Variants in OSBPL8 observed in about 807,000 individuals in gnomAD.
OSBPL8 encodes the protein oxysterol binding protein like 8.
Under a neutral mutation model 125.5 loss-of-function variants are expected in OSBPL8, and 59 were observed. That is an observed-to-expected ratio of 0.47 (90% CI 0.38 to 0.58). The LOEUF is 0.58. Among genes scored for constraint, OSBPL8 ranks in the 20% least tolerant of loss-of-function variants. The probability of loss-of-function intolerance (pLI) is 0.00; values close to 1 mark genes in which losing one functional copy is unlikely to be tolerated. For synonymous variants in OSBPL8, 330 were observed against 338.9 expected (o/e 0.97, Z 0.29); for missense variants, 758 against 1,047.8 (o/e 0.72, Z 3.82).
chr12:76,515,706 C>T (rs1881468363), intron 1 of OSBPL8, among the ~76,000 whole-genome samples: 1 of 151,994 alleles, frequency 6.6e-6, no homozygotes, highest in Non-Finnish European at 1.5e-5. Context: ...GGGGAGGTTC[C>T]CCTGCCTCTG....
intron 1 of OSBPL8, among the ~76,000 whole-genome samples, chr12:76,523,566 C>T (rs974373919): frequency 6.6e-6 from 1 of 152,124 alleles, no homozygotes; most frequent in Non-Finnish European, 1.5e-5. Flanking sequence ...GGGAGGTAAT[C>T]ATGTCATGAG....
intron 1 of OSBPL8, among the ~76,000 whole-genome samples, chr12:76,515,453 G>C (rs563228453): frequency 1.3e-5 from 2 of 152,310 alleles, no homozygotes; most frequent in African/African-American, 4.8e-5. Context: ...GTTGTGGACT[G>C]CGATCCAGCA....
At chr12:76,485,537 A>G (rs531418992) in intron 2 of OSBPL8, among the ~76,000 whole-genome samples, 1 of 152,308 alleles carries the variant, frequency 6.6e-6, no homozygotes, top group South Asian at 2.1e-4. Context: ...ACGCCACCGC[A>G]CTCCAGAAAT....
intron 1 of OSBPL8, among the ~76,000 whole-genome samples, chr12:76,547,312 T>C (rs1222246716): frequency 1.3e-5 from 2 of 152,162 alleles, no homozygotes; most frequent in Non-Finnish European, 2.9e-5. Context: ...CAGGTTAATT[T>C]ACAATAGTAT....
intron 20 of OSBPL8, 39 bp from the exon 21 acceptor site, chr12:76,369,340 A>G (rs750422072): frequency 1.9e-6 from 3 of 1,565,574 alleles, no homozygotes; most frequent in Non-Finnish European, 2.6e-6. Context: ...TTGCTCAATG[A>G]CTAAACAAAG....
intron 2 of OSBPL8, among the ~76,000 whole-genome samples, chr12:76,474,464 G>A (rs1023656318): frequency 3.3e-5 from 5 of 152,024 alleles, no homozygotes; most frequent in African/African-American, 9.7e-5. Context: ...AATTTTGTGT[G>A]TATATGTATA....
At chr12:76,449,942 TATCTATA>T (rs1445524015) in intron 4 of OSBPL8, among the ~76,000 whole-genome samples, 2 of 152,070 alleles carry the variant, frequency 1.3e-5, no homozygotes, top group Non-Finnish European at 2.9e-5. Flanking sequence ...TATCAAAGAA[TATCTATA>T]ATTATGTATA....
chr12:76,475,997 G>T (rs897306818), intron 2 of OSBPL8, among the ~76,000 whole-genome samples: 1 of 152,162 alleles, frequency 6.6e-6, no homozygotes, highest in Non-Finnish European at 1.5e-5. Flanking sequence ...CGTCCACTGC[G>T]CTTTCTCTCA....
chr12:76,432,406 C>T (rs187100446), intron 4 of OSBPL8, among the ~76,000 whole-genome samples: 169 of 152,056 alleles, frequency 1.1e-3, no homozygotes, highest in African/African-American at 4.0e-3. Context: ...CCAGCGGGAC[C>T]GTGTGTCTAC....
chr12:76,542,676 C>T (rs1950679094), intron 1 of OSBPL8, among the ~76,000 whole-genome samples: 1 of 152,206 alleles, frequency 6.6e-6, no homozygotes, highest in Admixed American at 6.5e-5. Flanking sequence ...CTACCCTCAT[C>T]ACCCTCCAAA....
intron 4 of OSBPL8, among the ~76,000 whole-genome samples, chr12:76,415,869 A>C (rs1868588288): frequency 6.6e-6 from 1 of 152,130 alleles, no homozygotes; most frequent in Non-Finnish European, 1.5e-5. Context: ...TTTTCCAAGA[A>C]TTTTAGGCTT....
intron 21 of OSBPL8, among the ~76,000 whole-genome samples, chr12:76,359,426 T>C (rs1468701156): frequency 1.3e-5 from 2 of 152,220 alleles, no homozygotes; most frequent in African/African-American, 4.8e-5. Flanking sequence ...CAAAAGTATA[T>C]GAAACCATCA....
chr12:76,538,562 G>C (rs1950558863), intron 1 of OSBPL8, among the ~76,000 whole-genome samples: 2 of 152,162 alleles, frequency 1.3e-5, no homozygotes, highest in Admixed American at 6.5e-5. Flanking sequence ...GGCAACATGA[G>C]AGCAAGCCCT....
At chr12:76,539,381 A>G (rs1190901036) in intron 1 of OSBPL8, among the ~76,000 whole-genome samples, 1 of 152,206 alleles carries the variant, frequency 6.6e-6, no homozygotes, top group Admixed American at 6.5e-5. Context: ...AGGTAACAAG[A>G]AAATATTAGA....
At chr12:76,389,898 A>G in intron 11 of OSBPL8, 69 bp from the exon 12 acceptor site, 1 of 1,243,040 alleles carries the variant, frequency 8.0e-7, no homozygotes, top group Non-Finnish European at 1.1e-6. Context: ...CAAGCCAGCT[A>G]ATGTTGAAAA....
intron 1 of OSBPL8, among the ~76,000 whole-genome samples, chr12:76,501,346 T>G (rs1331055590): frequency 6.6e-6 from 1 of 151,242 alleles, no homozygotes; most frequent in African/African-American, 2.4e-5. Context: ...AGAATGGTTT[T>G]TATGTTTTTA....
intron 21 of OSBPL8, among the ~76,000 whole-genome samples, chr12:76,365,261 C>T (rs908317753): frequency 6.6e-6 from 1 of 152,142 alleles, no homozygotes. Flanking sequence ...ACAATATTAA[C>T]CTTTTCTACC....
At chr12:76,527,236 T>C (rs1310473403) in intron 1 of OSBPL8, among the ~76,000 whole-genome samples, 1 of 127,968 alleles carries the variant, frequency 7.8e-6, no homozygotes, top group Non-Finnish European at 1.6e-5. Context: ...TTAAGGAGGG[T>C]GGTGGGCCGG....
At position 76,355,785 on chromosome 12, in the gene OSBPL8, G is replaced by A. The variant is rs1202702713; in HGVS notation, c.*104C>T. On this transcript the variant is annotated 3_prime_UTR_variant, in exon 24 of 24. Coordinates refer to ENST00000261183, the MANE Select transcript of OSBPL8 (RefSeq NM_020841.5). ...CTACATTTATCTCCTAGGTTTTTTT[G>A]TTTTCGGAATATTGTGATTTTTAAT... is the stretch of plus-strand genomic sequence containing the variant. The A allele has an allele frequency of 7.6e-7, 1 of 1,307,236 alleles. No homozygotes were observed. Among genetic ancestry groups the A allele is most frequent in the Non-Finnish European group, 1.0e-6 (1 of 962,688 alleles). The allele number at this position is 1,307,236 out of a possible 1,614,324, so 81.0% of individuals were successfully genotyped here.
Sources: allele counts gnomAD v4.1 joint callset (sites outside exome capture counted in the v4.1 genomes callset), GRCh38; gene constraint gnomAD v4.1.1; transcripts MANE v1.5; gene names NCBI Gene and HGNC (gene_info 2026-07-23, HGNC 2026-07-21).